The following DMD variants were observed in gnomAD, a reference collection of about 807,000 sequenced individuals.
DMD encodes dystrophin.
DMD carries 63 observed loss-of-function variants against 330.1 expected under a neutral mutation model. That is an observed-to-expected ratio of 0.19 (90% confidence interval 0.16 to 0.24). The LOEUF (loss-of-function observed/expected upper bound fraction) is 0.24, where lower values mean the gene tolerates loss of function less well. Among genes scored for constraint, DMD ranks in the 10% least tolerant of loss-of-function variants. DMD has a pLI of 1.00. For missense variants in DMD, 3,344 were observed against 2,684.1 expected, an observed-to-expected ratio of 1.25 and a Z score of -5.43; for synonymous variants, 1,223 against 959.8, an observed-to-expected ratio of 1.27 and a Z score of -5.07.
intron 43 of DMD, 128 bp downstream of exon 43, chrX:32,287,401 A>AT: frequency 3.3e-6 from 2 of 605,660 alleles, no homozygotes; most frequent in Non-Finnish European, 5.3e-6. Flanking sequence ...TTTACTTACC[A>AT]TTTTTCAATG....
intron 43 of DMD, among the ~76,000 whole-genome samples, chrX:32,245,455 G>T (rs1213140338): frequency 2.3e-5 from 2 of 88,573 alleles, no homozygotes; most frequent in Non-Finnish European, 4.3e-5. Context: ...GCTCTTTTTT[G>T]GTTCCATATG....
intron 44 of DMD, among the ~76,000 whole-genome samples, chrX:32,173,099 GTGTGTGTA>G (rs1393273556): frequency 9.3e-6 from 1 of 107,812 alleles, no homozygotes; most frequent in Non-Finnish European, 1.9e-5. Flanking sequence ...GTGTGTGTGT[GTGTGTGTA>G]TGTGTGTACT....
chrX:31,935,489 T>C (rs1335371839), intron 45 of DMD, among the ~76,000 whole-genome samples: 1 of 111,557 alleles, frequency 9.0e-6, no homozygotes, highest in Non-Finnish European at 1.9e-5. Flanking sequence ...ACGTCTAGTA[T>C]AGTACAGGCA....
At chrX:32,655,034 TCTC>T (rs1450088323) in intron 9 of DMD, among the ~76,000 whole-genome samples, 1 of 111,907 alleles carries the variant, frequency 8.9e-6, no homozygotes, top group Non-Finnish European at 1.9e-5. Flanking sequence ...TTGATTCTTC[TCTC>T]TTTTCTTATT....
chrX:31,569,605 T>TGTCTATACGTATATATAC (rs2075658191), intron 55 of DMD, among the ~76,000 whole-genome samples: 1 of 89,613 alleles, frequency 1.1e-5, no homozygotes, highest in Non-Finnish European at 2.3e-5. Context: ...TACACATATA[T>TGTCTATACGTATATATAC]GTATATACGT....
chrX:32,438,153 A>T, intron 29 of DMD, 88 bp downstream of exon 29: 1 of 1,009,836 alleles, frequency 9.9e-7, no homozygotes, highest in Non-Finnish European at 1.4e-6. Context: ...GCTAATATTT[A>T]AACTATTGCT....
chrX:32,513,839 A>G (rs1214587814), intron 18 of DMD, among the ~76,000 whole-genome samples: 2 of 111,679 alleles, frequency 1.8e-5, no homozygotes, highest in Non-Finnish European at 3.8e-5. Context: ...AGGACTCTGA[A>G]GAATATCAAT....
chrX:32,902,158 A>C lies in DMD; in HGVS notation c.94-52338T>G, dbSNP rs7063351. 5.7e-4 allele frequency among the ~76,000 whole-genome samples: 49 copies of C among 86,516 alleles called. 2 individuals carry two copies. The highest frequency in any genetic ancestry group is 6.2e-3 in the Middle Eastern group (1 of 161). 75.1% of individuals were successfully genotyped at this position (86,516 alleles called of 115,157 possible). A position where few individuals can be genotyped will look rare whatever the true frequency, so the allele number is the denominator to read the frequency against. On this transcript the variant is annotated intron_variant, in intron 2 of 78. Coordinates refer to ENST00000357033, the MANE Select transcript of DMD (RefSeq NM_004006.3). ...CATAAGCAAGCATCACACACACACA[A>C]ACACACACACACACACACACACACA...
At chrX:31,736,964 T>A (rs1211592232) in intron 51 of DMD, among the ~76,000 whole-genome samples, 2 of 111,941 alleles carry the variant, frequency 1.8e-5, no homozygotes, top group East Asian at 5.6e-4. Context: ...TTAATAGAGT[T>A]AATATTTGTA....
chrX:31,811,628 A>G (rs1280882571), intron 50 of DMD, among the ~76,000 whole-genome samples: 1 of 112,217 alleles, frequency 8.9e-6, no homozygotes, highest in African/African-American at 3.2e-5. Flanking sequence ...CATTTTTTGT[A>G]CAAAAGCTTG....
intron 43 of DMD, among the ~76,000 whole-genome samples, chrX:32,286,500 G>A (rs776358633): frequency 2.7e-5 from 3 of 111,475 alleles, no homozygotes; most frequent in Non-Finnish European, 5.6e-5. Context: ...TTGCTATAGG[G>A]CAGGCACGAA....
chrX:31,410,752 T>A (rs1362322059), intron 60 of DMD, among the ~76,000 whole-genome samples: 3 of 108,326 alleles, frequency 2.8e-5, no homozygotes, highest in African/African-American at 1.0e-4. Flanking sequence ...TATTTATATA[T>A]TTATGAGATG....
At chrX:32,078,567 A>G (rs1232785502) in intron 44 of DMD, among the ~76,000 whole-genome samples, 43 of 112,192 alleles carry the variant, frequency 3.8e-4, no homozygotes, top group African/African-American at 1.1e-3. Context: ...CTCATCCTCA[A>G]TGTCTTAGCC....
At chrX:32,473,364 A>C (rs927749439) in intron 21 of DMD, among the ~76,000 whole-genome samples, 6 of 111,668 alleles carry the variant, frequency 5.4e-5, no homozygotes, top group Non-Finnish European at 1.1e-4. Flanking sequence ...AAAACGGTCT[A>C]ATATATATGC....
chrX:31,763,575 C>A (rs2089782791), intron 51 of DMD, among the ~76,000 whole-genome samples: 1 of 109,190 alleles, frequency 9.2e-6, no homozygotes, highest in South Asian at 4.4e-4. Flanking sequence ...AAAAACAAAA[C>A]AAAAACAAAA....
At chrX:31,747,770 A>C (rs1269801147) in intron 51 of DMD, among the ~76,000 whole-genome samples, 1 of 112,178 alleles carries the variant, frequency 8.9e-6, no homozygotes, top group East Asian at 2.8e-4. Context: ...GGTTTCTGTA[A>C]TGTTGTGTTC....
At position 31,341,891 on chromosome X, in the gene DMD, G is replaced by GCGCGCGCGCGCGCACACACACACACACA. The variant is rs374298104; in HGVS notation, c.9163+6664_9163+6665insTGTGTGTGTGTGTGTGCGCGCGCGCGCG. 4.2e-4 allele frequency among the ~76,000 whole-genome samples: 42 copies of GCGCGCGCGCGCGCACACACACACACACA among 98,891 alleles called. 1 individual carries two copies. The highest frequency in any genetic ancestry group is 2.0e-3 in the South Asian group (4 of 1,961). 85.9% of individuals were successfully genotyped at this position (98,891 alleles called of 115,157 possible). A position where few individuals can be genotyped will look rare whatever the true frequency, so the allele number is the denominator to read the frequency against. Reference sequence around the variant, plus strand: ...GGCGTGCGCGCGTGCGTGCGCGCGCGCACACACACACACACACACACACAC... The same window carrying GCGCGCGCGCGCGCACACACACACACACA: ...GGCGTGCGCGCGTGCGTGCGCGCGCGCGCGCGCGCGCGCACACACACACACACACACACACACACACACACACACACAC... On this transcript the variant is annotated intron_variant, in intron 61 of 78. Coordinates refer to ENST00000357033, the MANE Select transcript of DMD (RefSeq NM_004006.3).
intron 67 of DMD, among the ~76,000 whole-genome samples, chrX:31,199,916 C>T (rs1569455402): frequency 1.8e-5 from 2 of 111,844 alleles, no homozygotes; most frequent in Non-Finnish European, 1.9e-5. Context: ...ATTTTCACTC[C>T]TGTTATCTTT....
chrX:32,875,663 G>T (rs1362461506), intron 2 of DMD, among the ~76,000 whole-genome samples: 1 of 112,101 alleles, frequency 8.9e-6, no homozygotes, highest in African/African-American at 3.2e-5. Context: ...TTTAAAATTA[G>T]TCAAAGCAAC....
Sources: allele counts gnomAD v4.1 joint callset (sites outside exome capture counted in the v4.1 genomes callset), GRCh38; gene constraint gnomAD v4.1.1; transcripts MANE v1.5; gene names NCBI Gene and HGNC (gene_info 2026-07-23, HGNC 2026-07-21).